Variants in FRMD6 observed in about 807,000 individuals in gnomAD.
FRMD6 encodes the protein FERM domain-containing protein 6.
Under a neutral mutation model 73.2 loss-of-function variants are expected in FRMD6, and 37 were observed. That is an observed-to-expected ratio of 0.51 (90% CI 0.39 to 0.66). The LOEUF (loss-of-function observed/expected upper bound fraction) is 0.66, where lower values mean the gene tolerates loss of function less well. Ranked by LOEUF, FRMD6 falls within the 30% of genes least tolerant of loss-of-function variation. FRMD6 has a pLI of 0.00. For synonymous variants in FRMD6, 273 were observed against 282.2 expected (o/e 0.97, Z 0.33); for missense variants, 714 against 780.5 (o/e 0.91, Z 1.02).
intron 1 of FRMD6, among the ~76,000 whole-genome samples, chr14:51,657,294 G>A (rs1044756130): frequency 4.6e-5 from 7 of 152,096 alleles, no homozygotes; most frequent in African/African-American, 1.7e-4. Flanking sequence ...GCACAGATCA[G>A]GAGTGTACAG....
rs76137787 is a variant in FRMD6, at chr14:51,606,381, T to C, written c.-147+35971T>C. Among the ~76,000 whole-genome samples, 629 of 152,280 alleles carry C rather than the reference T, an allele frequency of 4.1e-3. 2 individuals carry two copies. The highest frequency in any genetic ancestry group is 6.4e-3 in the Admixed American group (98 of 15,288). ...GCCCACACATATAAGCACATATATG[T>C]GAGACACATGCACATCCTCACATAC... is the stretch of plus-strand genomic sequence containing the variant. On this transcript the variant is annotated intron_variant, in intron 2 of 14. Coordinates refer to the FRMD6 transcript ENST00000356218.
chr14:51,700,830 A>G (rs886349828), intron 3 of FRMD6, among the ~76,000 whole-genome samples: 1 of 151,946 alleles, frequency 6.6e-6, no homozygotes, highest in South Asian at 2.1e-4. Context: ...ATATACTTTA[A>G]TAGTATGTGT....
chr14:51,508,574 A>G (rs898828722), intron 1 of FRMD6, among the ~76,000 whole-genome samples: 5 of 152,172 alleles, frequency 3.3e-5, no homozygotes, highest in Non-Finnish European at 4.4e-5. Context: ...CGTAAAATAC[A>G]TGTCCTGAAA....
chr14:51,575,773 G>A (rs991142893), intron 2 of FRMD6: 1 of 152,162 alleles, frequency 6.6e-6, no homozygotes, highest in African/African-American at 2.4e-5. Flanking sequence ...GGAACTCTCC[G>A]TGTCTCCTTT....
Position 51,590,829 on chromosome 14 carries a change from C to G in FRMD6, c.-147+20419C>G, listed in dbSNP as rs373932902. On this transcript the variant is annotated intron_variant, in intron 2 of 14. Transcript: ENST00000356218. ...AATAATTTAACTGGTTGGAAGGCAT[C>G]AAGCTGCCCAGAGCAATCTCTTCCA... Among the ~76,000 whole-genome samples the G allele has an allele frequency of 5.4e-4, 83 of 152,348 alleles. 3 individuals are homozygous for G. The South Asian group carries it at 0.015, about 28-fold the overall frequency.
chr14:51,531,667 G>A (rs1006407574), intron 1 of FRMD6, among the ~76,000 whole-genome samples: 4 of 152,144 alleles, frequency 2.6e-5, no homozygotes, highest in Non-Finnish European at 2.9e-5. Context: ...TATTCTTCCC[G>A]TACTCAACAA....
intron 2 of FRMD6, among the ~76,000 whole-genome samples, chr14:51,690,151 G>T (rs1257975174): frequency 6.6e-6 from 1 of 152,144 alleles, no homozygotes; most frequent in Non-Finnish European, 1.5e-5. Flanking sequence ...AGAATTAGAG[G>T]ACTATGGTTA....
intron 1 of FRMD6, chr14:51,565,088 AC>A (rs1887701437): frequency 6.6e-6 from 1 of 152,158 alleles, no homozygotes; most frequent in South Asian, 2.1e-4. Flanking sequence ...CAAAACCCAG[AC>A]CGGGTTTGGC....
intron 2 of FRMD6, among the ~76,000 whole-genome samples, chr14:51,646,555 G>C (rs1892084641): frequency 6.6e-6 from 1 of 151,580 alleles, no homozygotes; most frequent in Non-Finnish European, 1.5e-5. Context: ...TCTGGGGTAA[G>C]CTTTTTTTTC....
intron 1 of FRMD6, among the ~76,000 whole-genome samples, chr14:51,673,350 G>C (rs1192028035): frequency 2.0e-5 from 3 of 152,024 alleles, no homozygotes; most frequent in Non-Finnish European, 4.4e-5. Flanking sequence ...CTCTATCTGG[G>C]TTCCCCTACT....
intron 7 of FRMD6, among the ~76,000 whole-genome samples, chr14:51,709,707 A>G (rs1156294683): frequency 6.6e-6 from 1 of 152,120 alleles, no homozygotes; most frequent in African/African-American, 2.4e-5. Flanking sequence ...TTTATTTGTG[A>G]CACCTCAATT....
At chr14:51,453,258 G>A in the FRMD6 span, among the ~76,000 whole-genome samples, 1 of 152,114 alleles carries the variant, frequency 6.6e-6, no homozygotes, top group South Asian at 2.1e-4. Flanking sequence ...CCAGAGAGGA[G>A]GATGTTGGCT....
chr14:51,421,201 G>A, the FRMD6 span, among the ~76,000 whole-genome samples: 121 of 152,242 alleles, frequency 7.9e-4, no homozygotes, highest in Middle Eastern at 6.8e-3. Context: ...ATTTTGCAAG[G>A]CTTTAGGAGA....
At chr14:51,479,713 TGC>T in the FRMD6 span, among the ~76,000 whole-genome samples, 5 of 152,354 alleles carry the variant, frequency 3.3e-5, 1 homozygote, top group African/African-American at 1.2e-4. Context: ...GAAAGCTGGC[TGC>T]TGCAACAGTA....
intron 1 of FRMD6, among the ~76,000 whole-genome samples, chr14:51,505,081 G>C (rs993624875): frequency 2.0e-5 from 3 of 152,170 alleles, no homozygotes; most frequent in Non-Finnish European, 4.4e-5. Context: ...CTCCAATGGG[G>C]AAGCAGAATC....
chr14:51,689,861 A>G lies in FRMD6; in HGVS notation c.25A>G (p.Asn9Asp). 1 of 1,612,918 alleles carries G rather than the reference A, an allele frequency of 6.2e-7. No homozygotes were observed. Among genetic ancestry groups the G allele is most frequent in the Non-Finnish European group, 8.5e-7 (1 of 1,179,374 alleles). MNKLNFHN[N>D]RVMQDRRSVC... is the part of the protein sequence containing the mutation. Reference sequence around the variant, plus strand: ...AATGAACAAATTGAATTTTCATAACAACAGAGTCATGCAAGACCGCCGCAG... The same window carrying G: ...AATGAACAAATTGAATTTTCATAACGACAGAGTCATGCAAGACCGCCGCAG... Residue 9 changes from asparagine (N) to aspartate (D), a missense_variant, in exon 2 of 14, where the codon AAC (asparagine) becomes GAC (aspartate). Physicochemically the swap from Asn to Asp is conservative, Grantham distance 23. Coordinates refer to ENST00000344768, the MANE Select transcript of FRMD6 (RefSeq NM_001267046.2).
chr14:51,642,443 G>A (rs1204938866), intron 2 of FRMD6, among the ~76,000 whole-genome samples: 6 of 152,166 alleles, frequency 3.9e-5, no homozygotes, highest in Non-Finnish European at 5.9e-5. Context: ...GGGAGACTGA[G>A]GCAGAATTGC....
At chr14:51,611,438 G>T (rs1439339781) in intron 2 of FRMD6, among the ~76,000 whole-genome samples, 14 of 152,162 alleles carry the variant, frequency 9.2e-5, no homozygotes, top group Admixed American at 5.9e-4. Flanking sequence ...AAAGACTGAT[G>T]CATGGGTCCC....
intron 1 of FRMD6, among the ~76,000 whole-genome samples, chr14:51,658,643 T>C (rs897059603): frequency 1.3e-5 from 2 of 152,198 alleles, no homozygotes; most frequent in African/African-American, 4.8e-5. Context: ...CTTTGTCTAC[T>C]GAGAGCAGCA....
Sources: gnomAD v4.1 joint callset for allele counts (sites outside exome capture counted in the v4.1 genomes callset) on GRCh38, gnomAD v4.1.1 for gene constraint, MANE v1.5 for transcripts, NCBI Gene and HGNC (gene_info 2026-07-23, HGNC 2026-07-21) for gene names.